Variants in ASPH observed in about 807,000 individuals in gnomAD.
ASPH encodes aspartate beta-hydroxylase.
In ASPH, 100 loss-of-function variants were observed where a neutral mutation model predicts 118.4. The observed-to-expected ratio is 0.84, with a 90% CI of 0.72 to 1.00. The LOEUF (loss-of-function observed/expected upper bound fraction) is 1.00, where lower values mean the gene tolerates loss of function less well. Among genes scored for constraint, ASPH ranks in the 50% least tolerant of loss-of-function variants. The probability of loss-of-function intolerance (pLI) is 0.00; values close to 1 mark genes in which losing one functional copy is unlikely to be tolerated. For missense variants in ASPH, 920 were observed against 919.5 expected (o/e 1.00, Z -0.01); for synonymous variants, 315 against 325.6 (o/e 0.97, Z 0.35).
intron 1 of ASPH, among the ~76,000 whole-genome samples, chr8:61,709,403 G>C (rs930509314): frequency 3.9e-5 from 6 of 152,224 alleles, no homozygotes; most frequent in Admixed American, 6.5e-5. Context: ...GGGAAGAAAA[G>C]AACATCCTGA....
chr8:61,694,636 C>T (rs1481697345), intron 1 of ASPH, among the ~76,000 whole-genome samples: 3 of 152,294 alleles, frequency 2.0e-5, no homozygotes, highest in Admixed American at 1.3e-4. Flanking sequence ...CTTTAAACTT[C>T]GTAGTTTTCA....
chr8:61,576,342 C>A (rs898572396), intron 16 of ASPH, among the ~76,000 whole-genome samples: 1 of 152,102 alleles, frequency 6.6e-6, no homozygotes, highest in African/African-American at 2.4e-5. Flanking sequence ...AGAAATGAGT[C>A]CGTTGGAAAA....
At chr8:61,554,490 C>A (rs1481627439) in intron 19 of ASPH, among the ~76,000 whole-genome samples, 1 of 152,100 alleles carries the variant, frequency 6.6e-6, no homozygotes, top group Non-Finnish European at 1.5e-5. Context: ...AAAAAAAAGC[C>A]TACAGCTATC....
chr8:61,513,410 T>G (rs1586302763), intron 24 of ASPH, among the ~76,000 whole-genome samples: 1 of 152,212 alleles, frequency 6.6e-6, no homozygotes, highest in South Asian at 2.1e-4. Context: ...CACTATTTTG[T>G]AATGAAGTGC....
chr8:61,567,131 G>T (rs944183243), intron 17 of ASPH, 37 bp downstream of exon 17: 4 of 1,604,120 alleles, frequency 2.5e-6, no homozygotes, highest in Non-Finnish European at 2.6e-6. Flanking sequence ...TAAAACATAT[G>T]CCATTTCCTA....
At chr8:61,544,814 A>G (rs1358100099) in intron 21 of ASPH, among the ~76,000 whole-genome samples, 1 of 152,218 alleles carries the variant, frequency 6.6e-6, no homozygotes, top group Non-Finnish European at 1.5e-5. Context: ...GAACTAAGAG[A>G]CTTTAGAATA....
At chr8:61,652,338 C>G (rs2151120718) in intron 4 of ASPH, among the ~76,000 whole-genome samples, 1 of 152,296 alleles carries the variant, frequency 6.6e-6, no homozygotes, top group East Asian at 1.9e-4. Context: ...GTGAAAGTCT[C>G]AGTTCCTAGG....
Position 61,567,191 on chromosome 8 carries a change from C to T in ASPH, c.1277G>A (p.Arg426His), listed in dbSNP as rs772711048. Residue 426 changes from arginine (R) to histidine (H), a missense_variant, in exon 17 of 25, where the codon CGC becomes CAC. Physicochemically the swap from Arg to His is conservative, Grantham distance 29. Transcript: ENST00000379454. ...ACCTAGAAATTGTTGCCTGTCTGAG[C>T]GACGCTTCAAACTCAGCTTCAGCAG... The part of the protein sequence containing the change: ...ADLLKLSLKR[R>H]SDRQQFLGHM... 1.4e-5 allele frequency: 23 copies of T among 1,613,576 alleles called. No individual in the cohort carries two copies. Among genetic ancestry groups the T allele is most frequent in the Admixed American group, 3.3e-5 (2 of 59,934 alleles).
chr8:61,620,569 G>A (rs996798107), intron 13 of ASPH, among the ~76,000 whole-genome samples: 1 of 151,696 alleles, frequency 6.6e-6, no homozygotes, highest in African/African-American at 2.4e-5. Flanking sequence ...TTATTATAAA[G>A]TTAGGTAGCT....
At chr8:61,653,510 G>A (rs1194170363) in intron 4 of ASPH, 58 bp downstream of exon 4, 22 of 1,516,872 alleles carry the variant, frequency 1.5e-5, no homozygotes, top group Middle Eastern at 1.7e-4. Context: ...CTGTAAATGC[G>A]GATACCTGTC....
At chr8:61,530,466 T>C (rs1365763065) in intron 21 of ASPH, among the ~76,000 whole-genome samples, 1 of 152,160 alleles carries the variant, frequency 6.6e-6, no homozygotes. Flanking sequence ...GAATCCCACA[T>C]CCTGCCCCAG....
intron 14 of ASPH, among the ~76,000 whole-genome samples, chr8:61,613,307 G>A (rs894034090): frequency 3.3e-5 from 5 of 152,218 alleles, no homozygotes; most frequent in African/African-American, 1.2e-4. Context: ...TCTGCCTCCA[G>A]ACTCAAGCTG....
At chr8:61,684,283 CA>C in intron 1 of ASPH, 95 bp from the exon 2 acceptor site, 1 of 1,286,388 alleles carries the variant, frequency 7.8e-7, no homozygotes, top group Non-Finnish European at 1.1e-6. Context: ...GGATTATGTA[CA>C]ATGATAGATC....
At chr8:61,597,711 G>C (rs1563961094) in intron 14 of ASPH, among the ~76,000 whole-genome samples, 1 of 152,104 alleles carries the variant, frequency 6.6e-6, no homozygotes, top group Non-Finnish European at 1.5e-5. Context: ...TTTCAGGCCA[G>C]AAGAGAATAA....
intron 4 of ASPH, 29 bp downstream of exon 4, chr8:61,653,539 G>A: frequency 1.2e-6 from 2 of 1,607,894 alleles, no homozygotes; most frequent in East Asian, 2.2e-5. Context: ...GCACACCTGG[G>A]CGAGACTCGA....
chr8:61,690,379 A>C (rs1832270848), intron 1 of ASPH, among the ~76,000 whole-genome samples: 1 of 152,204 alleles, frequency 6.6e-6, no homozygotes, highest in African/African-American at 2.4e-5. Flanking sequence ...GTGGGAAGGA[A>C]AGAAATAGAA....
rs770578397 is a variant in ASPH, at chr8:61,714,417, T to C, written c.-46A>G. 4.4e-4 allele frequency: 625 copies of C among 1,408,882 alleles called. 1 individual carries two copies. The highest frequency in any genetic ancestry group is 5.6e-4 in the Non-Finnish European group (600 of 1,077,604). 87.3% of individuals were successfully genotyped at this position (1,408,882 alleles called of 1,614,324 possible). On this transcript the variant is annotated 5_prime_UTR_variant, in exon 1 of 25. Coordinates refer to ENST00000379454, the MANE Select transcript of ASPH (RefSeq NM_004318.4). ...GTGAGGGCTGGCGGACCTCCTTCAG[T>C]GCGCGGGGGTACACACGCGACGCGG...
chr8:61,537,930 G>C (rs1487145116), intron 21 of ASPH, among the ~76,000 whole-genome samples: 2 of 151,808 alleles, frequency 1.3e-5, no homozygotes, highest in African/African-American at 2.4e-5. Context: ...ATAAAACACT[G>C]TGTTCCTTTG....
At chr8:61,638,178 A>ATT in intron 11 of ASPH, 144 bp downstream of exon 11, 1 of 1,217,034 alleles carries the variant, frequency 8.2e-7, no homozygotes. Context: ...ATTAACTTTA[A>ATT]TTTTGATACT....
Sources: allele counts gnomAD v4.1 joint callset (sites outside exome capture counted in the v4.1 genomes callset), GRCh38; gene constraint gnomAD v4.1.1; transcripts MANE v1.5; gene names NCBI Gene and HGNC (gene_info 2026-07-23, HGNC 2026-07-21).